The following RYR2 variants were observed in gnomAD, a reference collection of about 807,000 sequenced individuals.
RYR2 encodes the protein cardiac muscle ryanodine receptor-calcium release channel.
RYR2 carries 227 observed loss-of-function variants against 601.1 expected under a neutral mutation model. The observed-to-expected ratio is 0.38, with a 90% CI of 0.34 to 0.42. The LOEUF is 0.42. RYR2 is among the 10% of genes least tolerant of loss of function. RYR2 has a pLI of 1.00. For synonymous variants in RYR2, 2,223 were observed against 2,175.1 expected (o/e 1.02, Z -0.61); for missense variants, 4,646 against 6,156.5 (o/e 0.75, Z 8.21).
chr1:237,637,039 A>C (rs1305806455), intron 44 of RYR2, among the ~76,000 whole-genome samples: 1 of 152,166 alleles, frequency 6.6e-6, no homozygotes, highest in Non-Finnish European at 1.5e-5. Flanking sequence ...TGTGGGGAGA[A>C]AGGGACTGCA....
intron 61 of RYR2, among the ~76,000 whole-genome samples, chr1:237,678,697 G>T (rs999985024): frequency 6.6e-6 from 1 of 152,132 alleles, no homozygotes; most frequent in African/African-American, 2.4e-5. Flanking sequence ...TGGACATGAA[G>T]AGTTGTAAAG....
At chr1:237,649,300 T>A (rs1682482148) in intron 49 of RYR2, among the ~76,000 whole-genome samples, 1 of 152,212 alleles carries the variant, frequency 6.6e-6, no homozygotes, top group Non-Finnish European at 1.5e-5. Flanking sequence ...AGTAGCCCCT[T>A]CATGAAATAT....
At chr1:237,739,080 A>C (rs957849042) in intron 79 of RYR2, among the ~76,000 whole-genome samples, 23 of 152,208 alleles carry the variant, frequency 1.5e-4, no homozygotes, top group African/African-American at 5.5e-4. Flanking sequence ...TATTACAAAC[A>C]TCACTTCTTT....
chr1:237,700,285 A>G lies in RYR2; in HGVS notation c.9185A>G (p.Asp3062Gly), dbSNP rs776985000. 1 of 1,587,848 alleles carries G rather than the reference A, an allele frequency of 6.3e-7. No homozygotes were observed. The highest frequency in any genetic ancestry group is 2.3e-5 in the East Asian group (1 of 43,866). The change falls in exon 65 of 105, where the codon GAC becomes GGC. Residue 3062 changes from aspartate (D) to glycine (G), a missense_variant. Around this residue, in one of 17 missense-constraint regions of RYR2, gnomAD observed 1,497 missense variants for 1,842.6 expected, o/e 0.81. Coordinates refer to ENST00000366574, the MANE Select transcript of RYR2 (RefSeq NM_001035.3). ...AAAAGTGCACTCAGAGCTTTTCTGG[A>G]CAACGCTGCAGAGGATCTGGAGAAG... is the stretch of plus-strand genomic sequence containing the variant. ...SVKSALRAFLDNAAEDLEKTM... is the reference protein window; with the variant it reads ...SVKSALRAFLGNAAEDLEKTM...
intron 1 of RYR2, among the ~76,000 whole-genome samples, chr1:237,095,140 C>T (rs1345000335): frequency 6.6e-6 from 1 of 152,214 alleles, no homozygotes; most frequent in Non-Finnish European, 1.5e-5. Context: ...TTTCTCCCTT[C>T]AGTATTTTTT....
At position 237,061,268 on chromosome 1, in the gene RYR2, C is replaced by T. The variant is rs372210218; in HGVS notation, c.48+18699C>T. ...ATCTATCTATCATCTATCTATCTAT[C>T]CATCTATCATCTATCTATCTATCTA... On this transcript the variant is annotated intron_variant, in intron 1 of 104. Coordinates refer to ENST00000366574, the MANE Select transcript of RYR2 (RefSeq NM_001035.3). Among the ~76,000 whole-genome samples, 862 of 88,814 alleles carry T rather than the reference C, an allele frequency of 9.7e-3. 8 individuals are homozygous for T. Among genetic ancestry groups the T allele is most frequent in the African/African-American group, 0.027 (775 of 28,968 alleles). The allele number at this position is 88,814 out of a possible 152,430, so 58.3% of individuals were successfully genotyped here.
At chr1:237,273,672 A>G (rs2149357223) in intron 2 of RYR2, among the ~76,000 whole-genome samples, 1 of 152,130 alleles carries the variant, frequency 6.6e-6, no homozygotes, top group Middle Eastern at 3.4e-3. Flanking sequence ...TTATAGATGT[A>G]GTCTAAAAGT....
chr1:237,518,740 T>G (rs1572694054), intron 24 of RYR2, among the ~76,000 whole-genome samples: 1 of 152,242 alleles, frequency 6.6e-6, no homozygotes, highest in African/African-American at 2.4e-5. Flanking sequence ...GATGTCTTTT[T>G]GATATATGGA....
chr1:237,685,175 G>A (rs1342839007), intron 62 of RYR2, among the ~76,000 whole-genome samples: 1 of 152,084 alleles, frequency 6.6e-6, no homozygotes, highest in Non-Finnish European at 1.5e-5. Context: ...AGAGAAAGGG[G>A]ACAACAGTAT....
At chr1:237,046,169 T>A (rs1038089007) in intron 1 of RYR2, among the ~76,000 whole-genome samples, 5 of 152,208 alleles carry the variant, frequency 3.3e-5, no homozygotes, top group Non-Finnish European at 5.9e-5. Flanking sequence ...GTGACAATTA[T>A]GCAGTATAGA....
chr1:237,579,035 C>T (rs1032309988), intron 29 of RYR2, among the ~76,000 whole-genome samples: 3 of 151,868 alleles, frequency 2.0e-5, no homozygotes, highest in African/African-American at 7.3e-5. Flanking sequence ...AAAAAAGAAA[C>T]AAAACACAAC....
At position 237,633,659 on chromosome 1, in the gene RYR2, G is replaced by T. The variant is rs1680569929; in HGVS notation, c.6637G>T (p.Ala2213Ser). 2 of 1,613,824 alleles carry T rather than the reference G, an allele frequency of 1.2e-6. No individual in the cohort carries two copies. Among genetic ancestry groups the T allele is most frequent in the Middle Eastern group, 1.6e-4 (1 of 6,062 alleles). The change falls in exon 43 of 105, where the codon GCT (alanine) becomes TCT (serine). Residue 2213 changes from alanine (A) to serine (S), a missense_variant. Ala to Ser is a moderately conservative substitution (Grantham distance 99, BLOSUM62 1). Around this residue, in one of 17 missense-constraint regions of RYR2, gnomAD observed 137 missense variants for 273.6 expected, o/e 0.50. Coordinates refer to ENST00000366574, the MANE Select transcript of RYR2 (RefSeq NM_001035.3). ...FCRISRQNQKAMFDHLSYLLE... is the reference protein window; with the variant it reads ...FCRISRQNQKSMFDHLSYLLE... Reference sequence around the variant, plus strand: ...TCGTATAAGTAGGCAGAATCAAAAAGCTATGTTTGATCATCTCAGTTATTT... The same window carrying T: ...TCGTATAAGTAGGCAGAATCAAAAATCTATGTTTGATCATCTCAGTTATTT...
chr1:237,506,486 A>G (rs1278632018), intron 22 of RYR2, among the ~76,000 whole-genome samples: 1 of 151,858 alleles, frequency 6.6e-6, no homozygotes, highest in Non-Finnish European at 1.5e-5. Flanking sequence ...TGCAGTGAGC[A>G]GAGATCGCGC....
intron 4 of RYR2, among the ~76,000 whole-genome samples, chr1:237,362,841 G>A (rs1699890245): frequency 6.6e-6 from 1 of 152,094 alleles, no homozygotes; most frequent in Admixed American, 6.6e-5. Context: ...GGATATTTCA[G>A]CATTTGCTAT....
At chr1:237,059,120 T>C (rs1662538452) in intron 1 of RYR2, among the ~76,000 whole-genome samples, 1 of 152,252 alleles carries the variant, frequency 6.6e-6, no homozygotes, top group Admixed American at 6.5e-5. Context: ...TTTCATGCAG[T>C]CACACAGTAG....
At chr1:237,626,165 C>A (rs985971006) in intron 40 of RYR2, among the ~76,000 whole-genome samples, 2 of 152,122 alleles carry the variant, frequency 1.3e-5, no homozygotes, top group African/African-American at 4.8e-5. Flanking sequence ...AAACTTTTTT[C>A]TTAAAATTTA....
rs112282732 is a variant in RYR2, at chr1:237,631,839, A to G, written c.6555+298A>G. ...GAGACGGGGTTTCACTGTGTTAGCC[A>G]GGATGGTCTCGATCTCCTGACCTCG... On this transcript the variant is annotated intron_variant, in intron 42 of 104. Transcript: ENST00000366574. 8.7e-3 allele frequency among the ~76,000 whole-genome samples: 1,287 copies of G among 147,108 alleles called. 21 individuals carry two copies. The highest frequency in any genetic ancestry group is 0.029 in the African/African-American group (1,108 of 38,842).
In RYR2 at chr1:237,388,095, A is replaced by T. The variant is rs368653489; in HGVS notation, c.685A>T (p.Ile229Phe). The T allele has an allele frequency of 2.5e-6, 4 of 1,606,786 alleles. No individual in the cohort carries two copies. The highest frequency in any genetic ancestry group is 2.2e-5 in the East Asian group (1 of 44,764). ...SGSEAAQGYLIGGDVLRLLHG... is the reference protein window; with the variant it reads ...SGSEAAQGYLFGGDVLRLLHG... Reference sequence around the variant, plus strand: ...ATTTTTTATCCTTACAGGGTATCTCATTGGTGGTGATGTCCTCAGGTTGCT... The same window carrying T: ...ATTTTTTATCCTTACAGGGTATCTCTTTGGTGGTGATGTCCTCAGGTTGCT... Residue 229 changes from isoleucine to phenylalanine, a missense_variant, in exon 10 of 105, where the codon ATT becomes TTT. Ile to Phe is a conservative substitution (Grantham distance 21, BLOSUM62 0). This residue lies in a region of RYR2 where 87 missense variants were observed against 144.7 expected (regional missense o/e 0.60). Transcript: ENST00000366574.
intron 1 of RYR2, among the ~76,000 whole-genome samples, chr1:237,147,222 CA>C (rs1018552029): frequency 1.3e-5 from 2 of 151,978 alleles, no homozygotes; most frequent in African/African-American, 4.8e-5. Context: ...TTTTAATTGA[CA>C]AATTAAATGA....
Sources: allele counts gnomAD v4.1 joint callset (sites outside exome capture counted in the v4.1 genomes callset), GRCh38; gene constraint gnomAD v4.1.1; regional missense constraint gnomAD v4.1.1; transcripts MANE v1.5; gene names NCBI Gene and HGNC (gene_info 2026-07-23, HGNC 2026-07-21).